The following AKT3 variants were observed in gnomAD, a reference collection of about 807,000 sequenced individuals.
The protein encoded by AKT3 is AKT serine/threonine kinase 3.
Under a neutral mutation model 65.3 loss-of-function variants are expected in AKT3, and 15 were observed. That is an observed-to-expected ratio of 0.23 (90% CI 0.15 to 0.35). The LOEUF is 0.35. Among genes scored for constraint, AKT3 ranks in the 10% least tolerant of loss-of-function variants. The pLI is 1.00. For missense variants in AKT3, 243 were observed against 576.5 expected (o/e 0.42, Z 5.92); for synonymous variants, 206 against 183.8 (o/e 1.12, Z -0.98).
intron 2 of AKT3, among the ~76,000 whole-genome samples, chr1:243,733,313 T>C (rs1287410417): frequency 1.3e-5 from 2 of 152,166 alleles, no homozygotes; most frequent in Admixed American, 1.3e-4. Context: ...TTTTGACTCA[T>C]AAGAGACCTC....
At chr1:243,644,802 A>C (rs1361700588) in intron 5 of AKT3, among the ~76,000 whole-genome samples, 2 of 152,178 alleles carry the variant, frequency 1.3e-5, no homozygotes, top group Non-Finnish European at 2.9e-5. Flanking sequence ...TGTACAAAAG[A>C]AGCTTTCTTA....
At chr1:243,563,500 T>C (rs879608177) in intron 10 of AKT3, among the ~76,000 whole-genome samples, 26 of 152,200 alleles carry the variant, frequency 1.7e-4, no homozygotes, top group Non-Finnish European at 2.9e-4. Context: ...TAACTGACTA[T>C]AGCTAGTACC....
intron 8 of AKT3, among the ~76,000 whole-genome samples, chr1:243,598,618 A>G (rs1676796738): frequency 6.6e-6 from 1 of 152,180 alleles, no homozygotes; most frequent in African/African-American, 2.4e-5. Context: ...CAAAAAGATG[A>G]CTGCATCTAC....
chr1:243,580,026 G>A (rs1675215870), intron 8 of AKT3, among the ~76,000 whole-genome samples: 2 of 152,146 alleles, frequency 1.3e-5, no homozygotes, highest in African/African-American at 4.8e-5. Context: ...AGAAATGGAA[G>A]AAATAGACTT....
intron 6 of AKT3, among the ~76,000 whole-genome samples, chr1:243,627,536 C>A (rs1479856069): frequency 1.3e-5 from 2 of 152,072 alleles, no homozygotes; most frequent in African/African-American, 4.8e-5. Context: ...GATACAGGTC[C>A]AGAATACAAT....
intron 2 of AKT3, among the ~76,000 whole-genome samples, chr1:243,739,342 G>A (rs1001891676): frequency 2.0e-5 from 3 of 151,934 alleles, no homozygotes; most frequent in Admixed American, 1.3e-4. Context: ...TCAAAATCCA[G>A]TGTGAATTTT....
intron 5 of AKT3, among the ~76,000 whole-genome samples, chr1:243,639,579 G>A (rs1365111114): frequency 1.3e-5 from 2 of 152,112 alleles, no homozygotes; most frequent in Non-Finnish European, 2.9e-5. Context: ...TCATGCCAAA[G>A]GAACCTCCCA....
chr1:243,499,899 C>A lies in AKT3; in HGVS notation c.*5350G>T. On this transcript the variant is annotated 3_prime_UTR_variant, in exon 14 of 14. Transcript: ENST00000673466. ...CCTTCCCAGGGTGACACCGCCTCAG[C>A]CTGCAGTGGGGCTGGTCCTCATCAA... 1 of 995,370 alleles carries A rather than the reference C, an allele frequency of 1.0e-6. No homozygotes were observed. The highest frequency in any genetic ancestry group is 1.6e-6 in the Non-Finnish European group (1 of 640,554). 61.7% of individuals were successfully genotyped at this position (995,370 alleles called of 1,614,324 possible).
At chr1:243,682,304 A>G (rs563376131) in intron 3 of AKT3, among the ~76,000 whole-genome samples, 4 of 152,234 alleles carry the variant, frequency 2.6e-5, no homozygotes, top group East Asian at 3.9e-4. Flanking sequence ...TACATACAAG[A>G]AGGCAAATTT....
At chr1:243,767,098 T>C (rs1403009137) in intron 2 of AKT3, among the ~76,000 whole-genome samples, 3 of 152,100 alleles carry the variant, frequency 2.0e-5, no homozygotes, top group African/African-American at 7.2e-5. Context: ...GCAGAAGAGC[T>C]AAGAATTTGC....
intron 2 of AKT3, among the ~76,000 whole-genome samples, chr1:243,765,973 C>T (rs1338802660): frequency 6.6e-6 from 1 of 152,170 alleles, no homozygotes; most frequent in African/African-American, 2.4e-5. Context: ...CAGGTGTCCT[C>T]TACAAAGCTT....
intron 2 of AKT3, among the ~76,000 whole-genome samples, chr1:243,715,349 T>A (rs1023669701): frequency 5.3e-5 from 8 of 152,076 alleles, no homozygotes; most frequent in Non-Finnish European, 8.8e-5. Context: ...TATGACCAAT[T>A]TACACCTTGG....
At chr1:243,583,195 T>TATATATATATATATATAC (rs759291565) in intron 8 of AKT3, among the ~76,000 whole-genome samples, 38 of 88,188 alleles carry the variant, frequency 4.3e-4, no homozygotes, top group African/African-American at 1.9e-3. Flanking sequence ...TATATATATA[T>TATATATATATATATATAC]ACACACACAC....
chr1:243,686,651 A>ATATATATT (rs1475559883), intron 3 of AKT3, among the ~76,000 whole-genome samples: 1 of 23,522 alleles, frequency 4.3e-5, no homozygotes, highest in East Asian at 1.1e-3. Flanking sequence ...ATATATATAT[A>ATATATATT]TTTTTTTTTT....
At chr1:243,605,639 T>C (rs551855488) in intron 8 of AKT3, among the ~76,000 whole-genome samples, 1 of 152,364 alleles carries the variant, frequency 6.6e-6, no homozygotes, top group Admixed American at 6.5e-5. Context: ...TATGATGAAA[T>C]TCCATTGTAC....
intron 2 of AKT3, among the ~76,000 whole-genome samples, chr1:243,707,890 T>C (rs1685904942): frequency 6.6e-6 from 1 of 152,116 alleles, no homozygotes; most frequent in Admixed American, 6.5e-5. Context: ...AGCCACTGCA[T>C]ATACAGCAAA....
chr1:243,791,349 C>T (rs1345798657), intron 2 of AKT3, among the ~76,000 whole-genome samples: 2 of 151,704 alleles, frequency 1.3e-5, no homozygotes, highest in Non-Finnish European at 2.9e-5. Context: ...GCAGAACCCA[C>T]AATGGGTATG....
intron 9 of AKT3, among the ~76,000 whole-genome samples, chr1:243,572,143 A>C (rs1253673920): frequency 6.6e-6 from 1 of 152,228 alleles, no homozygotes; most frequent in Admixed American, 6.5e-5. Context: ...CTAATTCATA[A>C]CACTGTCATG....
At chr1:243,668,130 T>C (rs1345567205) in intron 3 of AKT3, among the ~76,000 whole-genome samples, 1 of 152,214 alleles carries the variant, frequency 6.6e-6, no homozygotes, top group East Asian at 1.9e-4. Context: ...GTAAGCTCCA[T>C]TCATATATTC....
Sources: allele counts gnomAD v4.1 joint callset (sites outside exome capture counted in the v4.1 genomes callset), GRCh38; gene constraint gnomAD v4.1.1; transcripts MANE v1.5; gene names NCBI Gene and HGNC (gene_info 2026-07-23, HGNC 2026-07-21).